OPRM1: variants seen among roughly 807,000 people sequenced by gnomAD.
OPRM1 encodes opioid receptor mu 1.
Under a neutral mutation model 31.8 loss-of-function variants are expected in OPRM1, and 27 were observed. That is an observed-to-expected ratio of 0.85 (90% CI 0.63 to 1.17). The LOEUF (loss-of-function observed/expected upper bound fraction) is 1.17, where lower values mean the gene tolerates loss of function less well. Ranked by LOEUF, OPRM1 falls within the 50% of genes most tolerant of loss-of-function variation. The probability of loss-of-function intolerance (pLI) is 0.00; values close to 1 mark genes in which losing one functional copy is unlikely to be tolerated. For synonymous variants in OPRM1, 196 were observed against 189.9 expected, an observed-to-expected ratio of 1.03 and a Z score of -0.26; for missense variants, 536 against 511.1, an observed-to-expected ratio of 1.05 and a Z score of -0.47.
chr6:154,102,533 T>A (rs1044894739), intron 3 of OPRM1, among the ~76,000 whole-genome samples: 13 of 152,060 alleles, frequency 8.5e-5, no homozygotes, highest in African/African-American at 3.1e-4. Context: ...CCAAAAGAGA[T>A]CATAAAGTGG....
intron 1 of OPRM1, among the ~76,000 whole-genome samples, chr6:154,064,728 C>A (rs1490038702): frequency 6.6e-6 from 1 of 152,156 alleles, no homozygotes; most frequent in Admixed American, 6.6e-5. Flanking sequence ...TTTCCCAACA[C>A]CATTTGTTGA....
intron 3 of OPRM1, among the ~76,000 whole-genome samples, chr6:154,137,704 A>G (rs13194785): frequency 0.17 from 26,351 of 152,232 alleles, 2,749 homozygotes; most frequent in Non-Finnish European, 0.24. Context: ...GTCAAATAAC[A>G]CATGTTTTAT....
At chr6:154,092,120 A>G (rs10485057) in intron 3 of OPRM1, among the ~76,000 whole-genome samples, 16,124 of 152,162 alleles carry the variant, frequency 0.11, 955 homozygotes, top group African/African-American at 0.15. Flanking sequence ...ACAATTTTTA[A>G]CAGACCTCAT....
intron 1 of OPRM1, chr6:154,011,044 T>A (rs927830759): frequency 4.5e-5 from 58 of 1,289,398 alleles, no homozygotes; most frequent in Non-Finnish European, 5.5e-5. Flanking sequence ...TTTATTTTGT[T>A]GAAGAAATCC....
chr6:154,038,991 G>A (rs1779498041), upstream of OPRM1: 4 of 689,826 alleles, frequency 5.8e-6, no homozygotes, highest in South Asian at 7.0e-5. Context: ...AGAGCATTGG[G>A]GTTTTAGGGC....
chr6:154,215,133 G>T (rs1350349179), intron 3 of OPRM1, among the ~76,000 whole-genome samples: 2 of 152,122 alleles, frequency 1.3e-5, no homozygotes, highest in Non-Finnish European at 2.9e-5. Flanking sequence ...CTATGCTTTT[G>T]ATGTCTTCCA....
At chr6:154,051,630 C>A (rs1313651040) in intron 1 of OPRM1, among the ~76,000 whole-genome samples, 1 of 152,124 alleles carries the variant, frequency 6.6e-6, no homozygotes, top group African/African-American at 2.4e-5. Flanking sequence ...ACAATGAGAA[C>A]CATCTCATGC....
intron 3 of OPRM1, chr6:154,222,970 C>A (rs2128618233): frequency 3.4e-6 from 2 of 595,708 alleles, no homozygotes; most frequent in East Asian, 5.7e-5. Context: ...TAAAATCCAT[C>A]TGCTCCACAA....
At chr6:154,043,933 C>G (rs1460761184) in intron 1 of OPRM1, among the ~76,000 whole-genome samples, 1 of 152,124 alleles carries the variant, frequency 6.6e-6, no homozygotes. Context: ...TTTTCCTTTC[C>G]TTGGTTGTAA....
In OPRM1 at chr6:154,119,842, T is replaced by C. The variant is rs371841022; in HGVS notation, c.*1121T>C. On this transcript the variant is annotated 3_prime_UTR_variant, in exon 4 of 4. Transcript: ENST00000330432. ...AAATATTAACAATGGCCCAAAAATA[T>C]TTTCCTGAAGATTGTGTTTATATAA... Among the ~76,000 whole-genome samples the C allele has an allele frequency of 6.6e-6, 1 of 152,210 alleles. No individual in the cohort carries two copies.
At chr6:154,194,413 T>C (rs1332754415) in intron 3 of OPRM1, among the ~76,000 whole-genome samples, 1 of 151,788 alleles carries the variant, frequency 6.6e-6, no homozygotes, top group Non-Finnish European at 1.5e-5. Context: ...TAAAATAAAA[T>C]CCTCACCTCT....
intron 3 of OPRM1, among the ~76,000 whole-genome samples, chr6:154,169,392 G>T (rs564524246): frequency 6.6e-6 from 1 of 152,166 alleles, no homozygotes; most frequent in Non-Finnish European, 1.5e-5. Context: ...TCTAAACCAG[G>T]TATTGCTGAA....
intron 1 of OPRM1, among the ~76,000 whole-genome samples, chr6:154,075,675 C>G (rs922533300): frequency 6.6e-6 from 1 of 152,134 alleles, no homozygotes; most frequent in Non-Finnish European, 1.5e-5. Context: ...TGGTCTCAAA[C>G]TCCTGACCTC....
At chr6:154,233,589 A>G (rs1254990916) in intron 3 of OPRM1, among the ~76,000 whole-genome samples, 1 of 152,184 alleles carries the variant, frequency 6.6e-6, no homozygotes, top group Non-Finnish European at 1.5e-5. Flanking sequence ...CAGAACCCAG[A>G]GATTCTTGGC....
chr6:154,160,751 C>A (rs1583671403), intron 3 of OPRM1, among the ~76,000 whole-genome samples: 1 of 152,138 alleles, frequency 6.6e-6, no homozygotes, highest in East Asian at 1.9e-4. Flanking sequence ...ATATTAAAAA[C>A]AAATATTCAG....
intron 3 of OPRM1, among the ~76,000 whole-genome samples, chr6:154,152,390 A>AAGAAAGAAAGAAAGAAAGAAAGGGAGAG (rs1360734115): frequency 7.9e-6 from 1 of 126,196 alleles, no homozygotes; most frequent in Non-Finnish European, 1.7e-5. Context: ...GAAAGAAAGA[A>AAGAAAGAAAGAAAGAAAGAAAGGGAGAG]AGAGAAATAG....
intron 3 of OPRM1, among the ~76,000 whole-genome samples, chr6:154,238,199 C>T (rs761753578): frequency 6.6e-6 from 1 of 152,128 alleles, no homozygotes; most frequent in East Asian, 1.9e-4. Flanking sequence ...GAAACAAATG[C>T]TTGGAAACAC....
chr6:154,175,047 C>A (rs1023643860), intron 3 of OPRM1, among the ~76,000 whole-genome samples: 3 of 152,206 alleles, frequency 2.0e-5, no homozygotes, highest in Non-Finnish European at 4.4e-5. Context: ...TACATGGAAA[C>A]TGAACAACCT....
At chr6:154,184,802 G>T (rs1801195777) in intron 3 of OPRM1, among the ~76,000 whole-genome samples, 1 of 151,966 alleles carries the variant, frequency 6.6e-6, no homozygotes, top group Non-Finnish European at 1.5e-5. Context: ...ATCAAGTATA[G>T]TATCTTTCTA....
Sources: gnomAD v4.1 joint callset for allele counts (sites outside exome capture counted in the v4.1 genomes callset) on GRCh38, gnomAD v4.1.1 for gene constraint, MANE v1.5 for transcripts, NCBI Gene and HGNC (gene_info 2026-07-23, HGNC 2026-07-21) for gene names.